The following SLC1A2 variants were observed in gnomAD, a reference collection of about 807,000 sequenced individuals.
SLC1A2 encodes excitatory amino acid transporter 2.
Under a neutral mutation model 48.8 loss-of-function variants are expected in SLC1A2, and 15 were observed. The observed-to-expected ratio is 0.31, with a 90% CI of 0.21 to 0.47. SLC1A2 has a LOEUF of 0.47. SLC1A2 is among the 20% of genes least tolerant of loss of function. SLC1A2 has a pLI of 0.99. For synonymous variants in SLC1A2, 279 were observed against 272.6 expected (o/e 1.02, Z -0.23); for missense variants, 502 against 730.5 (o/e 0.69, Z 3.61).
At position 35,382,380 on chromosome 11, in the gene SLC1A2, G is replaced by A. The variant is rs4756225; in HGVS notation, c.17+36570C>T. Among the ~76,000 whole-genome samples, 42 of 152,284 alleles carry A rather than the reference G, an allele frequency of 2.8e-4. 1 individual carries two copies. The Middle Eastern group carries it at 0.01, about 37-fold the overall frequency. On this transcript the variant is annotated intron_variant, in intron 1 of 10. Coordinates refer to ENST00000278379, the MANE Select transcript of SLC1A2 (RefSeq NM_004171.4). The stretch of plus-strand genomic sequence containing the variant: ...TTCCATAGAGTGATTCTTCAAGATG[G>A]GCCACAGGGGCAACTAGACCAGTGA...
At chr11:35,377,596 C>T (rs886531812) in intron 1 of SLC1A2, among the ~76,000 whole-genome samples, 4 of 152,198 alleles carry the variant, frequency 2.6e-5, no homozygotes, top group Non-Finnish European at 5.9e-5. Flanking sequence ...TCCCTGATGG[C>T]CGAGGTCTGT....
intron 1 of SLC1A2, chr11:35,418,740 T>A (rs1284401156): frequency 1.7e-6 from 1 of 575,194 alleles, no homozygotes; most frequent in Non-Finnish European, 3.1e-6. Flanking sequence ...AAAACAACCC[T>A]CCACCTCTCG....
chr11:35,273,460 C>T (rs1216840736), intron 9 of SLC1A2, among the ~76,000 whole-genome samples: 3 of 152,226 alleles, frequency 2.0e-5, no homozygotes, highest in Non-Finnish European at 2.9e-5. Flanking sequence ...CACCTGCAAG[C>T]ATGTTGAGAA....
intron 6 of SLC1A2, 107 bp from the exon 7 acceptor site, chr11:35,292,627 A>G (rs1851047510): frequency 1.8e-5 from 11 of 625,944 alleles, no homozygotes; most frequent in Non-Finnish European, 3.0e-5. Context: ...TCTTCTGTAC[A>G]AAAAAAGACT....
chr11:35,339,702 T>C (rs1852769379), intron 1 of SLC1A2, among the ~76,000 whole-genome samples: 1 of 152,122 alleles, frequency 6.6e-6, no homozygotes, highest in Admixed American at 6.5e-5. Flanking sequence ...GGGATGGATA[T>C]TGGACACACA....
chr11:35,361,905 G>C (rs1005488530), intron 1 of SLC1A2, among the ~76,000 whole-genome samples: 1 of 152,182 alleles, frequency 6.6e-6, no homozygotes. Context: ...GAGCCTGGGA[G>C]GTTGAGGCTG....
chr11:35,328,873 T>C (rs554614355), intron 1 of SLC1A2, among the ~76,000 whole-genome samples: 1 of 152,342 alleles, frequency 6.6e-6, no homozygotes, highest in Admixed American at 6.5e-5. Context: ...TCTGGTCTAG[T>C]GGCCCCAACT....
At chr11:35,329,327 C>T (rs747953204) in intron 1 of SLC1A2, among the ~76,000 whole-genome samples, 2 of 152,112 alleles carry the variant, frequency 1.3e-5, no homozygotes, top group Non-Finnish European at 2.9e-5. Flanking sequence ...CATGAATGTA[C>T]AACACCAAGA....
At position 35,317,357 on chromosome 11, in the gene SLC1A2, G is replaced by A. The variant is rs367647414; in HGVS notation, c.157+20C>T. The A allele has an allele frequency of 2.2e-5, 36 of 1,607,884 alleles. No homozygotes were observed. Among genetic ancestry groups the A allele is most frequent in the Middle Eastern group, 1.7e-4 (1 of 6,048 alleles). On this transcript the variant is annotated intron_variant, in intron 2 of 10. Transcript: ENST00000278379. ...TCCCAGAGAAGAGGGGGCTGGGGGT[G>A]GGGTAGTGCAGGTACCTACCAAACA... is the stretch of plus-strand genomic sequence containing the variant.
intron 2 of SLC1A2, chr11:35,317,091 G>A (rs866848784): frequency 1.7e-5 from 6 of 346,110 alleles, no homozygotes; most frequent in South Asian, 1.3e-4. Flanking sequence ...CTCATTTCAG[G>A]TGGCCCAAAG....
At position 35,252,857 on chromosome 11, in the gene SLC1A2, G is replaced by T. The variant is rs558507272; in HGVS notation, c.*8037C>A. 3 of 152,606 alleles carry T rather than the reference G, an allele frequency of 2.0e-5. No individual in the cohort carries two copies. 9.5% of individuals were successfully genotyped at this position (152,606 alleles called of 1,614,324 possible). On this transcript the variant is annotated 3_prime_UTR_variant, in exon 11 of 11. Coordinates refer to ENST00000278379, the MANE Select transcript of SLC1A2 (RefSeq NM_004171.4). ...AGTGCATAGGCACTGTTCTTCATGCGTGAACCAAGTGTCAGTGTGTATACA... is the reference window on the plus strand; with the variant it reads ...AGTGCATAGGCACTGTTCTTCATGCTTGAACCAAGTGTCAGTGTGTATACA...
intron 1 of SLC1A2, chr11:35,374,223 T>G: frequency 1.6e-6 from 1 of 628,924 alleles, no homozygotes; most frequent in Non-Finnish European, 2.6e-6. Flanking sequence ...TGGCTTTGAA[T>G]GATTTATAGC....
chr11:35,269,650 C>A (rs557752887), intron 9 of SLC1A2, among the ~76,000 whole-genome samples: 2 of 152,196 alleles, frequency 1.3e-5, no homozygotes, highest in Admixed American at 6.5e-5. Context: ...GCCACTGAAG[C>A]AGCCAAGTTT....
chr11:35,397,954 T>G (rs1227108846), intron 1 of SLC1A2, among the ~76,000 whole-genome samples: 1 of 152,242 alleles, frequency 6.6e-6, no homozygotes, highest in Non-Finnish European at 1.5e-5. Context: ...ATTTTCTTCT[T>G]TCTCCCAGTC....
At chr11:35,319,885 A>C (rs1852002369) in intron 1 of SLC1A2, among the ~76,000 whole-genome samples, 1 of 152,260 alleles carries the variant, frequency 6.6e-6, no homozygotes, top group African/African-American at 2.4e-5. Context: ...GGAATTAAAC[A>C]GATATGGAAG....
chr11:35,420,074 A>G, upstream of SLC1A2: 1 of 322,240 alleles, frequency 3.1e-6, no homozygotes, highest in South Asian at 2.5e-5. Flanking sequence ...TCAATTATTC[A>G]GCGAGATTAA....
intron 1 of SLC1A2, among the ~76,000 whole-genome samples, chr11:35,408,802 T>A (rs989276076): frequency 4.6e-5 from 7 of 152,242 alleles, no homozygotes; most frequent in African/African-American, 1.7e-4. Context: ...AAAAATGTAT[T>A]TCCTAAATGT....
chr11:35,302,537 C>T (rs1415073924), intron 5 of SLC1A2, among the ~76,000 whole-genome samples: 5 of 152,166 alleles, frequency 3.3e-5, no homozygotes, highest in Non-Finnish European at 7.3e-5. Flanking sequence ...CTGCCCTCTT[C>T]ATGTCAGCAT....
intron 1 of SLC1A2, among the ~76,000 whole-genome samples, chr11:35,376,003 C>T (rs1854215918): frequency 1.3e-5 from 2 of 152,200 alleles, no homozygotes; most frequent in South Asian, 2.1e-4. Context: ...ACAGTCCATA[C>T]TCCTAACCTC....
Sources: allele counts gnomAD v4.1 joint callset (sites outside exome capture counted in the v4.1 genomes callset), GRCh38; gene constraint gnomAD v4.1.1; transcripts MANE v1.5; gene names NCBI Gene and HGNC (gene_info 2026-07-23, HGNC 2026-07-21).